DMD: variants seen among roughly 807,000 people sequenced by gnomAD.
DMD encodes dystrophin, also known as mutant dystrophin.
In DMD, 63 loss-of-function variants were observed where a neutral mutation model predicts 330.1. That is an observed-to-expected ratio of 0.19 (90% CI 0.16 to 0.24). The LOEUF is 0.24. DMD is among the 10% of genes least tolerant of loss of function. The pLI is 1.00. For missense variants in DMD, 3,344 were observed against 2,684.1 expected, an observed-to-expected ratio of 1.25 and a Z score of -5.43; for synonymous variants, 1,223 against 959.8, an observed-to-expected ratio of 1.27 and a Z score of -5.07.
At chrX:31,187,538 A>G (rs2041883872) in intron 67 of DMD, among the ~76,000 whole-genome samples, 1 of 111,843 alleles carries the variant, frequency 8.9e-6, no homozygotes, top group Non-Finnish European at 1.9e-5. Flanking sequence ...AGTGTTTCCC[A>G]GTATGTCCAG....
At chrX:32,719,404 G>A (rs1201783640) in intron 7 of DMD, among the ~76,000 whole-genome samples, 9 of 111,607 alleles carry the variant, frequency 8.1e-5, no homozygotes, top group Non-Finnish European at 1.7e-4. Flanking sequence ...CTGTGTGAGT[G>A]TAGGGTGATG....
intron 2 of DMD, among the ~76,000 whole-genome samples, chrX:33,002,759 T>C (rs1171716534): frequency 9.8e-6 from 1 of 102,378 alleles, no homozygotes; most frequent in Non-Finnish European, 2.0e-5. Context: ...TTGCCTTCAG[T>C]TTAGTCCTAG....
chrX:32,757,003 A>T (rs1204668805), intron 7 of DMD, among the ~76,000 whole-genome samples: 1 of 111,289 alleles, frequency 9.0e-6, no homozygotes, highest in Non-Finnish European at 1.9e-5. Flanking sequence ...ATTCCCTACA[A>T]TTCAGGGTTT....
At chrX:32,538,374 A>G in intron 17 of DMD, among the ~76,000 whole-genome samples, 1 of 110,062 alleles carries the variant, frequency 9.1e-6, no homozygotes, top group African/African-American at 3.3e-5. Flanking sequence ...AACCTCCCCC[A>G]CTGAGCACCT....
At chrX:32,795,481 G>A (rs1429772569) in intron 7 of DMD, among the ~76,000 whole-genome samples, 2 of 111,930 alleles carry the variant, frequency 1.8e-5, no homozygotes, top group African/African-American at 6.5e-5. Context: ...ATGGATTAAG[G>A]ATTTAAAGGT....
intron 1 of DMD, among the ~76,000 whole-genome samples, chrX:33,093,946 G>A (rs192759177): frequency 1.1e-4 from 12 of 111,285 alleles, no homozygotes; most frequent in Admixed American, 8.7e-4. Context: ...TTTTATGAAA[G>A]TTCAGAACAT....
intron 44 of DMD, among the ~76,000 whole-genome samples, chrX:32,114,033 A>T (rs2096599852): frequency 8.9e-6 from 1 of 112,250 alleles, no homozygotes; most frequent in Non-Finnish European, 1.9e-5. Flanking sequence ...TTTTGTTGCT[A>T]AATTATAACA....
chrX:31,243,323 A>T (rs762207726), intron 63 of DMD, among the ~76,000 whole-genome samples: 34 of 112,046 alleles, frequency 3.0e-4, no homozygotes, highest in African/African-American at 1.1e-3. Flanking sequence ...ATAGAGAATA[A>T]AATTTAATTT....
At chrX:33,100,988 G>C (rs1027110401) in intron 1 of DMD, among the ~76,000 whole-genome samples, 1 of 111,882 alleles carries the variant, frequency 8.9e-6, no homozygotes, top group Non-Finnish European at 1.9e-5. Flanking sequence ...GGAAGAGAAA[G>C]AGAGATATAG....
At chrX:31,491,434 C>G (rs1162508905) in intron 57 of DMD, among the ~76,000 whole-genome samples, 1 of 112,168 alleles carries the variant, frequency 8.9e-6, no homozygotes, top group South Asian at 3.7e-4. Flanking sequence ...ATAACACCCA[C>G]TAATTGAAAA....
intron 55 of DMD, among the ~76,000 whole-genome samples, chrX:31,603,677 T>C (rs1025620398): frequency 8.9e-6 from 1 of 112,231 alleles, no homozygotes; most frequent in African/African-American, 3.2e-5. Context: ...CTCAAATATC[T>C]TTCTTGCTCA....
At chrX:32,092,669 C>A (rs920893692) in intron 44 of DMD, among the ~76,000 whole-genome samples, 17 of 103,516 alleles carry the variant, frequency 1.6e-4, no homozygotes, top group African/African-American at 6.1e-4. Flanking sequence ...AACAGCTATG[C>A]AGTGGAGTAT....
chrX:31,349,821 C>T (rs2058294095), intron 60 of DMD, among the ~76,000 whole-genome samples: 1 of 111,860 alleles, frequency 8.9e-6, no homozygotes, highest in Admixed American at 9.5e-5. Context: ...TCAGAGCTTG[C>T]ACAGAGCAAT....
intron 61 of DMD, among the ~76,000 whole-genome samples, chrX:31,326,142 A>C (rs141588318): frequency 0.012 from 1,348 of 110,382 alleles, 17 homozygotes; most frequent in African/African-American, 0.042. Context: ...TGAAAGAAAC[A>C]ACCTCTAAGC....
intron 12 of DMD, among the ~76,000 whole-genome samples, chrX:32,600,542 A>G (rs1481656967): frequency 9.5e-6 from 1 of 105,175 alleles, no homozygotes; most frequent in Non-Finnish European, 1.9e-5. Flanking sequence ...ACTTCATTGA[A>G]TACCCAACAG....
At chrX:32,203,478 T>C (rs1376196292) in intron 44 of DMD, among the ~76,000 whole-genome samples, 2 of 112,422 alleles carry the variant, frequency 1.8e-5, no homozygotes, top group African/African-American at 3.2e-5. Flanking sequence ...CAGGGAACAG[T>C]AAATTTTAAG....
intron 55 of DMD, among the ~76,000 whole-genome samples, chrX:31,599,321 G>A (rs945845874): frequency 9.0e-6 from 1 of 111,561 alleles, no homozygotes; most frequent in Non-Finnish European, 1.9e-5. Context: ...TGTTCTCTCC[G>A]AAACCAATTT....
chrX:32,843,618 C>T lies in DMD; in HGVS notation c.264+1165G>A, dbSNP rs183730564. Among the ~76,000 whole-genome samples, 738 of 112,086 alleles carry T rather than the reference C, an allele frequency of 6.6e-3. 2 individuals are homozygous for T. The highest frequency in any genetic ancestry group is 0.01 in the Non-Finnish European group (542 of 53,245). On this transcript the variant is annotated intron_variant, in intron 4 of 78. Coordinates refer to ENST00000357033, the MANE Select transcript of DMD (RefSeq NM_004006.3). ...GGAGTACATGTTATTATTAATCTAT[C>T]CCTGCTTATGGTTATTTTAAGAGTA...
At chrX:32,002,996 T>C (rs1237550628) in intron 44 of DMD, among the ~76,000 whole-genome samples, 2 of 111,677 alleles carry the variant, frequency 1.8e-5, no homozygotes, top group African/African-American at 3.3e-5. Flanking sequence ...AGTTTGGAAG[T>C]TAAGTCTATT....
Sources: allele counts gnomAD v4.1 joint callset (sites outside exome capture counted in the v4.1 genomes callset), GRCh38; gene constraint gnomAD v4.1.1; transcripts MANE v1.5; gene names NCBI Gene and HGNC (gene_info 2026-07-23, HGNC 2026-07-21).